Variants in COL6A1 observed in about 807,000 individuals in gnomAD.
COL6A1 encodes collagen alpha-1(VI) chain.
COL6A1 carries 80 observed loss-of-function variants against 145.6 expected under a neutral mutation model. That is an observed-to-expected ratio of 0.55 (90% CI 0.46 to 0.66). COL6A1 has a LOEUF of 0.66. COL6A1 is among the 30% of genes least tolerant of loss of function. COL6A1 has a pLI of 0.00. For missense variants in COL6A1, 1,364 were observed against 1,473.8 expected (o/e 0.93, Z 1.22); for synonymous variants, 638 against 622.8 (o/e 1.02, Z -0.36).
In COL6A1 at chr21:46,001,276, C is replaced by T. The variant is rs1423091612; in HGVS notation, c.1846C>T (p.Leu616Phe). The T allele has an allele frequency of 1.2e-6, 2 of 1,610,890 alleles. No individual in the cohort carries two copies. Among genetic ancestry groups the T allele is most frequent in the Non-Finnish European group, 1.7e-6 (2 of 1,179,706 alleles). Residue 616 changes from leucine to phenylalanine, a missense_variant, in exon 30 of 35, where the codon CTC (leucine) becomes TTC (phenylalanine). Physicochemically the swap from Leu to Phe is conservative, Grantham distance 22. Transcript: ENST00000361866. ...CCECKCGPID[L>F]LFVLDSSESI... is the part of the protein sequence containing the mutation. ...AGAATGCAAGTGCGGCCCCATCGAC[C>T]TCCTGTTCGTGCTGGACAGCTCAGA...
At chr21:45,986,811 C>T (rs1298854703) in intron 4 of COL6A1, 126 bp downstream of exon 4, 1 of 1,514,792 alleles carries the variant, frequency 6.6e-7, no homozygotes, top group South Asian at 1.2e-5. Flanking sequence ...CCACCCTTGC[C>T]CCTGAGAGGC....
rs769776720 is a variant in COL6A1 at position 45,998,865 on chromosome 21, C to T, written c.1612-32C>T. ...CACTTCCTAAAAACAAAATAAAACC[C>T]TTGTTAACCAAGTGCTCTCCCGTCA... On this transcript the variant is annotated intron_variant, in intron 24 of 34. Coordinates refer to ENST00000361866, the MANE Select transcript of COL6A1 (RefSeq NM_001848.3). The T allele has an allele frequency of 1.9e-5, 30 of 1,550,188 alleles. No individual in the cohort carries two copies. The South Asian group carries it at 2.0e-4, about 10-fold the overall frequency.
At chr21:45,992,127 G>A (rs755643243) in intron 16 of COL6A1, 37 bp from the exon 17 acceptor site, 8 of 1,613,514 alleles carry the variant, frequency 5.0e-6, no homozygotes, top group Non-Finnish European at 6.8e-6. Flanking sequence ...GGAGGGTCAA[G>A]GAGATGGAGC....
chr21:45,997,736 GGA>G lies in COL6A1; in HGVS notation c.1501_1502del (p.Asp501ProfsTer6), dbSNP rs765540206. ...RGAPGPAGPPGDPGLMGERGE... is the reference protein window; with the variant it reads ...RGAPGPAGPPXDPGLMGERGE... ...AGCCCCAGGACCTGCCGGACCCCCT[GGA>G]GACCCGGGGCTGATGGGTGAAAGGG... On this transcript the variant is annotated frameshift_variant, in exon 22 of 35. Coordinates refer to ENST00000361866, the MANE Select transcript of COL6A1 (RefSeq NM_001848.3). LOFTEE classifies it high-confidence loss of function. 6.3e-7 allele frequency: 1 copy of G among 1,595,974 alleles called. No homozygotes were observed. Among genetic ancestry groups the G allele is most frequent in the Non-Finnish European group, 8.5e-7 (1 of 1,171,416 alleles).
rs565028767 is a variant in COL6A1 at position 45,999,721 on chromosome 21, G to A, written c.1776+29G>A. 4.3e-6 allele frequency: 7 copies of A among 1,610,446 alleles called. 1 individual carries two copies. The highest frequency in any genetic ancestry group is 4.5e-5 in the East Asian group (2 of 44,708). ...AGTGGGGCTCTGTGAACATTGCTGG[G>A]GGCGACCACTGTAGCTTCCATCCCT... On this transcript the variant is annotated intron_variant, in intron 27 of 34. Coordinates refer to ENST00000361866, the MANE Select transcript of COL6A1 (RefSeq NM_001848.3).
intron 24 of COL6A1, 128 bp downstream of exon 24, chr21:45,998,561 G>C: frequency 7.8e-7 from 1 of 1,288,736 alleles, no homozygotes; most frequent in Non-Finnish European, 1.1e-6. Context: ...AGGCACCCAC[G>C]GCTGCCCCAC....
rs2077849223 is a variant in COL6A1 at position 46,002,060 on chromosome 21, G to A, written c.2056G>A (p.Glu686Lys). The change falls in exon 31 of 35, where the codon GAG (glutamate) becomes AAG (lysine). Residue 686 changes from glutamate to lysine, a missense_variant. Physicochemically the swap from Glu to Lys is moderately conservative, Grantham distance 56. Coordinates refer to ENST00000361866, the MANE Select transcript of COL6A1 (RefSeq NM_001848.3). ...CAGCCCCAGCATCCGGAACGTGCAG[G>A]AGCTCAAGGAGTGAGTGCCCCACGC... is the stretch of plus-strand genomic sequence containing the variant. ...LRSPSIRNVQ[E>K]LKEAIKSLQW... 1 of 1,611,136 alleles carries A rather than the reference G, an allele frequency of 6.2e-7. No individual in the cohort carries two copies. The highest frequency in any genetic ancestry group is 8.5e-7 in the Non-Finnish European group (1 of 1,179,524).
At chr21:45,992,902 C>A in intron 19 of COL6A1, 92 bp downstream of exon 19, 1 of 1,178,962 alleles carries the variant, frequency 8.5e-7, no homozygotes, top group Non-Finnish European at 1.2e-6. Context: ...CAGGACACAT[C>A]ATGAAGCCCC....
Position 45,987,493 on chromosome 21 carries a change from C to T in COL6A1, c.739-6C>T, listed in dbSNP as rs755793406. On this transcript the variant is annotated splice_region_variant and splice_polypyrimidine_tract_variant and intron_variant, in intron 6 of 34. Coordinates refer to ENST00000361866, the MANE Select transcript of COL6A1 (RefSeq NM_001848.3). ...ACTGACTCGTCTCCATGCTTTCCCC[C>T]CACAGTGCTGCTCCTTCGAATGCCA... The T allele has an allele frequency of 1.2e-6, 2 of 1,613,108 alleles. No individual in the cohort carries two copies. Among genetic ancestry groups the T allele is most frequent in the Admixed American group, 1.7e-5 (1 of 60,028 alleles).
rs2123492477 is a variant in COL6A1, at chr21:46,003,457, A to G, written c.2531A>G (p.Asn844Ser). 1.2e-6 allele frequency: 2 copies of G among 1,607,182 alleles called. No individual in the cohort carries two copies. Among genetic ancestry groups the G allele is most frequent in the Non-Finnish European group, 1.7e-6 (2 of 1,179,710 alleles). The change falls in exon 35 of 35, where the codon AAC becomes AGC. Residue 844 changes from asparagine to serine, a missense_variant. By Grantham distance (46) the Asn-to-Ser change is conservative. Coordinates refer to ENST00000361866, the MANE Select transcript of COL6A1 (RefSeq NM_001848.3). ...GGCTCCGCCAGCGTGGGCAGCCACAACTTTGACACCACCAAGCGCTTCGCC... is the reference window on the plus strand; with the variant it reads ...GGCTCCGCCAGCGTGGGCAGCCACAGCTTTGACACCACCAAGCGCTTCGCC... ...LDGSASVGSH[N>S]FDTTKRFAKR...
intron 6 of COL6A1, 83 bp from the exon 7 acceptor site, chr21:45,987,416 T>G: frequency 6.3e-7 from 1 of 1,589,422 alleles, no homozygotes; most frequent in Non-Finnish European, 8.6e-7. Context: ...TCTGCCCATG[T>G]GCCTGGGTCG....
intron 17 of COL6A1, 68 bp downstream of exon 17, chr21:45,992,285 G>A: frequency 3.1e-6 from 5 of 1,613,498 alleles, no homozygotes; most frequent in Non-Finnish European, 4.2e-6. Flanking sequence ...TCTTTGCTCG[G>A]GGTCTACTCC....
In COL6A1 at chr21:45,986,628, CG is replaced by C; in HGVS notation, c.532del (p.Glu178ArgfsTer23). 6.4e-7 allele frequency: 1 copy of C among 1,554,028 alleles called. No homozygotes were observed. Among genetic ancestry groups the C allele is most frequent in the South Asian group, 1.2e-5 (1 of 84,228 alleles). ...GTGGGGGGCTGGAGGATGCTGTGAA[CG>C]AGGCCAAGCACCTGGGCGTCAAAGT... ...PCGGLEDAVN[E>X]AKHLGVKVFS... On this transcript the variant is annotated frameshift_variant, in exon 4 of 35. Coordinates refer to ENST00000361866, the MANE Select transcript of COL6A1 (RefSeq NM_001848.3). LOFTEE classifies it high-confidence loss of function.
chr21:45,984,621 G>GA, intron 3 of COL6A1, 152 bp downstream of exon 3: 1 of 699,130 alleles, frequency 1.4e-6, no homozygotes, highest in Non-Finnish European at 2.5e-6. Context: ...TTGTGGGCAG[G>GA]AAAGAGACGG....
At chr21:45,997,100 C>G (rs573008650) in intron 20 of COL6A1, among the ~76,000 whole-genome samples, 1,517 of 149,690 alleles carry the variant, frequency 0.01, 38 homozygotes, top group African/African-American at 0.036. Context: ...TCATCTGGGA[C>G]AGGCTTCACC....
intron 20 of COL6A1, 132 bp from the exon 21 acceptor site, chr21:45,997,288 CT>C (rs2077810764): frequency 1.2e-6 from 1 of 841,150 alleles, no homozygotes; most frequent in African/African-American, 1.7e-5. Flanking sequence ...GGCTCTCCCC[CT>C]GCACTGATGG....
intron 18 of COL6A1, 36 bp from the exon 19 acceptor site, chr21:45,992,712 A>C: frequency 6.4e-7 from 1 of 1,557,064 alleles, no homozygotes; most frequent in Non-Finnish European, 8.7e-7. Context: ...GAGTTCCAGC[A>C]GCTGAGGCTT....
intron 20 of COL6A1, among the ~76,000 whole-genome samples, chr21:45,996,087 C>T (rs1331519397): frequency 6.6e-6 from 1 of 152,252 alleles, no homozygotes; most frequent in Non-Finnish European, 1.5e-5. Flanking sequence ...AGGTGCTCTG[C>T]AGAAACTGCC....
rs1569518470 is a variant in COL6A1 at position 45,994,118 on chromosome 21, C to T, written c.1336-49C>T. 2.6e-6 allele frequency: 4 copies of T among 1,560,012 alleles called. No individual in the cohort carries two copies. The highest frequency in any genetic ancestry group is 3.5e-6 in the Non-Finnish European group (4 of 1,149,332). ...GCTCCCAGCGTGCCCGGGCAGCCATCCTCCCCAAGGATGGCCCAGCTCCAC... is the reference window on the plus strand; with the variant it reads ...GCTCCCAGCGTGCCCGGGCAGCCATTCTCCCCAAGGATGGCCCAGCTCCAC... On this transcript the variant is annotated intron_variant, in intron 19 of 34. Coordinates refer to ENST00000361866, the MANE Select transcript of COL6A1 (RefSeq NM_001848.3). This position sits in a 1 kb window ranked among gnomAD's most constrained non-coding sequence, Gnocchi z 6.8.
Sources: allele counts gnomAD v4.1 joint callset (sites outside exome capture counted in the v4.1 genomes callset), GRCh38; gene constraint gnomAD v4.1.1; non-coding constraint Gnocchi (gnomAD v3.1); transcripts MANE v1.5; gene names NCBI Gene and HGNC (gene_info 2026-07-23, HGNC 2026-07-21).